Variants in ANKS1A observed in about 807,000 individuals in gnomAD.
The protein encoded by ANKS1A is ankyrin repeat and SAM domain-containing protein 1A.
Under a neutral mutation model 120.3 loss-of-function variants are expected in ANKS1A, and 55 were observed. That is an observed-to-expected ratio of 0.46 (90% CI 0.37 to 0.57). The LOEUF (loss-of-function observed/expected upper bound fraction) is 0.57. Among genes scored for constraint, ANKS1A ranks in the 20% least tolerant of loss-of-function variants. The pLI is 0.00. For missense variants in ANKS1A, 1,123 were observed against 1,480.3 expected (o/e 0.76, Z 3.96); for synonymous variants, 590 against 604.7 (o/e 0.98, Z 0.36).
intron 10 of ANKS1A, among the ~76,000 whole-genome samples, chr6:35,004,904 GT>G (rs1407005169): frequency 6.6e-6 from 1 of 152,166 alleles, no homozygotes; most frequent in Non-Finnish European, 1.5e-5. Flanking sequence ...TTCTTTGTTT[GT>G]ATTTAAGCTA....
intron 10 of ANKS1A, among the ~76,000 whole-genome samples, chr6:35,003,572 A>G (rs1325657004): frequency 1.3e-5 from 2 of 152,224 alleles, no homozygotes; most frequent in African/African-American, 4.8e-5. Context: ...ATTGGTTCCC[A>G]GCACTAGAAA....
chr6:34,960,281 C>T (rs1052105975), intron 1 of ANKS1A, among the ~76,000 whole-genome samples: 8 of 152,150 alleles, frequency 5.3e-5, no homozygotes, highest in African/African-American at 1.7e-4. Flanking sequence ...CCTTTGCTGC[C>T]TCTGCTTCCT....
Position 35,085,798 on chromosome 6 carries a change from G to C in ANKS1A, c.3165G>C (p.Gly1055=). 3.1e-6 allele frequency: 5 copies of C among 1,608,258 alleles called. No individual in the cohort carries two copies. The highest frequency in any genetic ancestry group is 3.4e-6 in the Non-Finnish European group (4 of 1,177,392). ...CCTACGAGATCATCCTGACGCTGGGGCAGGCCTTCGAAGTGGCCTATCAGT... is the reference window on the plus strand; with the variant it reads ...CCTACGAGATCATCCTGACGCTGGGCCAGGCCTTCGAAGTGGCCTATCAGT... ...NLTYEIILTL[G]QAFEVAYQLA... Residue 1055 remains glycine (G), a synonymous_variant, in exon 22 of 24, where the codon GGG becomes GGC. Coordinates refer to ENST00000360359, the MANE Select transcript of ANKS1A (RefSeq NM_015245.3). This position sits in a 1 kb window ranked among gnomAD's most constrained non-coding sequence, Gnocchi z 4.7.
At position 35,054,726 on chromosome 6, in the gene ANKS1A, C is replaced by G. The variant is rs140281504; in HGVS notation, c.2077+561C>G. Among the ~76,000 whole-genome samples, 290 of 152,318 alleles carry G rather than the reference C, an allele frequency of 1.9e-3. 3 individuals carry two copies. Among genetic ancestry groups the G allele is most frequent in the African/African-American group, 5.8e-3 (243 of 41,558 alleles). ...TACTTTGGTCATTCTTTTCTAAGCC[C>G]TAGTAGTGAGGCCAGCTTCTGTTCT... is the stretch of plus-strand genomic sequence containing the variant. On this transcript the variant is annotated intron_variant, in intron 12 of 23. Coordinates refer to ENST00000360359, the MANE Select transcript of ANKS1A (RefSeq NM_015245.3).
chr6:34,990,491 CTTT>C (rs36082323), intron 9 of ANKS1A, among the ~76,000 whole-genome samples: 43 of 138,730 alleles, frequency 3.1e-4, no homozygotes, highest in Admixed American at 3.6e-4. Flanking sequence ...TACCCCCCTC[CTTT>C]TTTTTTTTTT....
At chr6:35,001,169 T>C (rs765112002) in intron 10 of ANKS1A, among the ~76,000 whole-genome samples, 13 of 152,242 alleles carry the variant, frequency 8.5e-5, no homozygotes, top group Non-Finnish European at 1.9e-4. Flanking sequence ...ATAAAAATCA[T>C]ATAAGAAGCA....
intron 11 of ANKS1A, among the ~76,000 whole-genome samples, chr6:35,042,372 A>G (rs1365018438): frequency 1.3e-5 from 2 of 152,196 alleles, no homozygotes; most frequent in Non-Finnish European, 2.9e-5. Context: ...CTCAGATCCA[A>G]GAAAGATGTA....
chr6:34,991,693 CAT>C (rs1306257301), intron 9 of ANKS1A, among the ~76,000 whole-genome samples: 48 of 29,334 alleles, frequency 1.6e-3, no homozygotes, highest in Admixed American at 6.0e-3. Flanking sequence ...CATATATACA[CAT>C]ATATATACAT....
At chr6:34,933,487 C>G (rs977557951) in intron 1 of ANKS1A, among the ~76,000 whole-genome samples, 11 of 152,230 alleles carry the variant, frequency 7.2e-5, no homozygotes, top group Admixed American at 3.9e-4. Flanking sequence ...TCTCCTGCCT[C>G]AGCCTCCCAA....
chr6:35,064,106 G>A (rs141485881), intron 13 of ANKS1A, among the ~76,000 whole-genome samples: 27 of 152,290 alleles, frequency 1.8e-4, no homozygotes, highest in African/African-American at 5.8e-4. Flanking sequence ...CAGGGCTCTC[G>A]AAAGCCACGT....
At chr6:34,970,350 C>A (rs1771117286) in intron 3 of ANKS1A, among the ~76,000 whole-genome samples, 184 bp downstream of exon 3, 1 of 152,122 alleles carries the variant, frequency 6.6e-6, no homozygotes, top group Non-Finnish European at 1.5e-5. Context: ...CCCCTCTTCC[C>A]AGTTCTACTC....
chr6:34,894,260 TCCAAGAAAGAAA>T (rs1766965481), intron 1 of ANKS1A, among the ~76,000 whole-genome samples: 1 of 152,196 alleles, frequency 6.6e-6, no homozygotes, highest in Admixed American at 6.5e-5. Context: ...AATACTGATT[TCCAAGAAAGAAA>T]CTCCTGTATA....
At chr6:35,079,395 G>A (rs1165811235) in intron 14 of ANKS1A, 121 bp from the exon 15 acceptor site, 1 of 1,247,828 alleles carries the variant, frequency 8.0e-7, no homozygotes, top group Non-Finnish European at 1.1e-6. Context: ...AAGGTGCTGA[G>A]GACCCCAAAC....
At chr6:34,961,853 C>T (rs1770656357) in intron 1 of ANKS1A, among the ~76,000 whole-genome samples, 1 of 152,168 alleles carries the variant, frequency 6.6e-6, no homozygotes, top group Non-Finnish European at 1.5e-5. Flanking sequence ...GAATTATGTC[C>T]ACTACATATT....
chr6:35,090,700 C>T lies in ANKS1A; in HGVS notation c.*2091C>T. 2 of 988,696 alleles carry T rather than the reference C, an allele frequency of 2.0e-6. No individual in the cohort carries two copies. Among genetic ancestry groups the T allele is most frequent in the Non-Finnish European group, 2.4e-6 (2 of 832,198 alleles). 61.2% of individuals were successfully genotyped at this position (988,696 alleles called of 1,614,324 possible). A position where few individuals can be genotyped will look rare whatever the true frequency, so the allele number is the denominator to read the frequency against. Reference sequence around the variant, plus strand: ...AGAAAGGTTATTATAACTTTAAGGACAGGCTTCAAGTGGGAAGGCCCCTAC... The same window carrying T: ...AGAAAGGTTATTATAACTTTAAGGATAGGCTTCAAGTGGGAAGGCCCCTAC... On this transcript the variant is annotated 3_prime_UTR_variant, in exon 24 of 24. Coordinates refer to ENST00000360359, the MANE Select transcript of ANKS1A (RefSeq NM_015245.3).
chr6:35,032,105 A>T (rs1774938282), intron 11 of ANKS1A, among the ~76,000 whole-genome samples: 2 of 152,246 alleles, frequency 1.3e-5, no homozygotes, highest in South Asian at 4.1e-4. Flanking sequence ...GGAGAGATAG[A>T]TATTAAGCAA....
At chr6:35,051,374 C>T (rs1174856680) in intron 11 of ANKS1A, among the ~76,000 whole-genome samples, 2 of 152,190 alleles carry the variant, frequency 1.3e-5, no homozygotes, top group African/African-American at 2.4e-5. Context: ...GTACCACCAA[C>T]GGATGCTGAT....
At chr6:35,056,749 G>A (rs1776243740) in intron 12 of ANKS1A, among the ~76,000 whole-genome samples, 1 of 152,154 alleles carries the variant, frequency 6.6e-6, no homozygotes, top group African/African-American at 2.4e-5. Flanking sequence ...ACAGGCACAT[G>A]TGGGGGACCA....
In ANKS1A at chr6:35,017,849, G is replaced by C; in HGVS notation, c.1800G>C (p.Arg600=). 1 of 1,614,216 alleles carries C rather than the reference G, an allele frequency of 6.2e-7. No individual in the cohort carries two copies. Among genetic ancestry groups the C allele is most frequent in the Non-Finnish European group, 8.5e-7 (1 of 1,180,030 alleles). ...CTGGTGGTGCTGAGGAAGGAGACCG[G>C]AGTGGGGCCAGGAGCCGAGCGCCTC... The part of the protein sequence containing the change: ...PHPGGAEEGD[R]SGARSRAPPT... Residue 600 remains arginine (R), a synonymous_variant, in exon 11 of 24, where the codon CGG becomes CGC. Transcript: ENST00000360359.
Sources: gnomAD v4.1 joint callset for allele counts (sites outside exome capture counted in the v4.1 genomes callset) on GRCh38, gnomAD v4.1.1 for gene constraint, Gnocchi (gnomAD v3.1) non-coding constraint, MANE v1.5 for transcripts, NCBI Gene and HGNC (gene_info 2026-07-23, HGNC 2026-07-21) for gene names.